The following BBS9 variants were observed in gnomAD, a reference collection of about 807,000 sequenced individuals.
BBS9 encodes Bardet-Biedl syndrome 9.
Under a neutral mutation model 117.7 loss-of-function variants are expected in BBS9, and 89 were observed. That is an observed-to-expected ratio of 0.76 (90% confidence interval 0.64 to 0.90). The LOEUF (loss-of-function observed/expected upper bound fraction) is 0.90. Ranked by LOEUF, BBS9 falls within the 40% of genes least tolerant of loss-of-function variation. The pLI, the probability that BBS9 is intolerant of heterozygous loss-of-function variation, is 0.00. For missense variants in BBS9, 982 were observed against 1,042.2 expected (o/e 0.94, Z 0.80); for synonymous variants, 379 against 370.9 (o/e 1.02, Z -0.25).
chr7:33,338,627 T>A (rs372551540), intron 10 of BBS9, among the ~76,000 whole-genome samples: 89 of 152,326 alleles, frequency 5.8e-4, no homozygotes, highest in African/African-American at 2.0e-3. Flanking sequence ...AAAGTGTTTT[T>A]GAAGCTGATT....
intron 20 of BBS9, among the ~76,000 whole-genome samples, chr7:33,517,388 G>T (rs987899745): frequency 6.6e-6 from 1 of 152,148 alleles, no homozygotes. Context: ...TTGCCTGAGG[G>T]CTATCCCTGT....
intron 21 of BBS9, among the ~76,000 whole-genome samples, chr7:33,590,459 G>GTTTTTTTTTTTTTGT (rs1563412533): frequency 2.0e-5 from 2 of 101,510 alleles, no homozygotes; most frequent in African/African-American, 4.0e-5. Context: ...TTGTTTTTTT[G>GTTTTTTTTTTTTTGT]TTTTTTTTTT....
chr7:33,314,317 C>A, intron 9 of BBS9: 1 of 409,600 alleles, frequency 2.4e-6, no homozygotes, highest in Non-Finnish European at 4.8e-6. Flanking sequence ...AATGAAGTTT[C>A]TCCTTTTCTT....
At chr7:33,163,206 T>C (rs879056064) in intron 4 of BBS9, among the ~76,000 whole-genome samples, 14 of 152,210 alleles carry the variant, frequency 9.2e-5, no homozygotes, top group Non-Finnish European at 1.5e-5. Context: ...ATAAACTTTT[T>C]GATGTGCTGC....
chr7:33,308,485 TA>T (rs1412491145), intron 9 of BBS9, among the ~76,000 whole-genome samples: 1 of 152,230 alleles, frequency 6.6e-6, no homozygotes, highest in Non-Finnish European at 1.5e-5. Flanking sequence ...ACTAACATGT[TA>T]TCATTGCTAA....
At chr7:33,208,799 G>GT (rs67276013) in intron 5 of BBS9, among the ~76,000 whole-genome samples, 26 of 150,088 alleles carry the variant, frequency 1.7e-4, no homozygotes, top group Non-Finnish European at 2.7e-4. Context: ...GGAAAATTCT[G>GT]TTTTTTTTTT....
At chr7:33,564,557 C>T (rs1377441930) in intron 21 of BBS9, among the ~76,000 whole-genome samples, 2 of 152,112 alleles carry the variant, frequency 1.3e-5, no homozygotes, top group African/African-American at 4.8e-5. Context: ...GTTCAATTCA[C>T]GATGACTTTT....
intron 21 of BBS9, among the ~76,000 whole-genome samples, chr7:33,615,049 C>A (rs1167101961): frequency 6.6e-6 from 1 of 151,950 alleles, no homozygotes; most frequent in Non-Finnish European, 1.5e-5. Flanking sequence ...GTTTGCAGTT[C>A]AGATGCCAGC....
At position 33,357,940 on chromosome 7, in the gene BBS9, C is replaced by G. The variant is rs778332830; in HGVS notation, c.1638C>G (p.His546Gln). The G allele has an allele frequency of 6.2e-7, 1 of 1,612,662 alleles. No homozygotes were observed. Among genetic ancestry groups the G allele is most frequent in the South Asian group, 1.1e-5 (1 of 91,046 alleles). ...GTCAGCCTTCAAAAACTGCAAGCCA[C>G]AAAATTACTATTGATACCAACAAAT... ...LPGQPSKTAS[H>Q]KITIDTNKSP... Residue 546 changes from histidine (H) to glutamine (Q), a missense_variant, in exon 16 of 23, where the codon CAC becomes CAG. His to Gln is a conservative substitution (Grantham distance 24). Transcript: ENST00000242067.
intron 21 of BBS9, among the ~76,000 whole-genome samples, chr7:33,557,672 T>C (rs1164369916): frequency 6.6e-6 from 1 of 152,208 alleles, no homozygotes; most frequent in African/African-American, 2.4e-5. Flanking sequence ...GAAACTAATC[T>C]GCACATGAAT....
intron 5 of BBS9, among the ~76,000 whole-genome samples, chr7:33,211,640 G>C (rs866787352): frequency 3.3e-5 from 5 of 152,226 alleles, no homozygotes; most frequent in Non-Finnish European, 4.4e-5. Flanking sequence ...TACCCATCAT[G>C]ACTATGGTTT....
At chr7:33,369,974 G>A (rs1240543798) in intron 17 of BBS9, among the ~76,000 whole-genome samples, 1 of 152,126 alleles carries the variant, frequency 6.6e-6, no homozygotes, top group Non-Finnish European at 1.5e-5. Context: ...TGGGTTCCGT[G>A]TATTCATCTC....
intron 5 of BBS9, among the ~76,000 whole-genome samples, chr7:33,208,207 A>G (rs932372588): frequency 2.0e-5 from 3 of 152,150 alleles, no homozygotes; most frequent in Non-Finnish European, 4.4e-5. Flanking sequence ...CAGTATTTAT[A>G]TGTTTCTTCT....
intron 16 of BBS9, among the ~76,000 whole-genome samples, chr7:33,365,327 CCTT>C (rs1821479230): frequency 6.6e-6 from 1 of 152,122 alleles, no homozygotes; most frequent in Admixed American, 6.6e-5. Context: ...GTACGAAAGA[CCTT>C]CTTCTATGGG....
chr7:33,158,001 G>A (rs4720109), intron 4 of BBS9, among the ~76,000 whole-genome samples: 126,220 of 152,138 alleles, frequency 0.83, 52,363 homozygotes, highest in Admixed American at 0.86. Flanking sequence ...AGTGTGAGCC[G>A]TACTGATTAT....
At chr7:33,154,775 C>T (rs1013646869) in intron 3 of BBS9, among the ~76,000 whole-genome samples, 1 of 152,154 alleles carries the variant, frequency 6.6e-6, no homozygotes, top group African/African-American at 2.4e-5. Context: ...CACCTGGCCG[C>T]CTGCTCAGTA....
At chr7:33,419,528 T>A (rs1356715575) in intron 19 of BBS9, among the ~76,000 whole-genome samples, 2 of 152,160 alleles carry the variant, frequency 1.3e-5, no homozygotes, top group African/African-American at 4.8e-5. Context: ...GAGATTGTCT[T>A]ATAATAATAA....
At chr7:33,355,008 G>C (rs865842408) in intron 15 of BBS9, among the ~76,000 whole-genome samples, 3 of 152,002 alleles carry the variant, frequency 2.0e-5, no homozygotes, top group Non-Finnish European at 4.4e-5. Context: ...TTCTCTCAGC[G>C]TAACACTTAG....
chr7:33,626,245 T>C lies in BBS9; in HGVS notation c.2522-8932T>C, dbSNP rs187997486. Among the ~76,000 whole-genome samples, 149 of 152,366 alleles carry C rather than the reference T, an allele frequency of 9.8e-4. 1 individual carries two copies. In the East Asian group the frequency reaches 0.014, roughly 14 times the overall value. On this transcript the variant is annotated intron_variant, in intron 21 of 21. Transcript: ENST00000671952. ...TCCCCTTCACCTTCCGCTGTGATTCTAAGTTTTCTGAGGCCTCCCCAGCCC... is the reference window on the plus strand; with the variant it reads ...TCCCCTTCACCTTCCGCTGTGATTCCAAGTTTTCTGAGGCCTCCCCAGCCC...
Sources: gnomAD v4.1 joint callset for allele counts (sites outside exome capture counted in the v4.1 genomes callset) on GRCh38, gnomAD v4.1.1 for gene constraint, MANE v1.5 for transcripts, NCBI Gene and HGNC (gene_info 2026-07-23, HGNC 2026-07-21) for gene names.